Variants in BSPRY observed in about 807,000 individuals in gnomAD.
BSPRY encodes the protein B-box and SPRY domain containing.
In BSPRY, 33 loss-of-function variants were observed where a neutral mutation model predicts 38.0. That is an observed-to-expected ratio of 0.87 (90% confidence interval 0.66 to 1.16). The LOEUF (loss-of-function observed/expected upper bound fraction) is 1.16. Among genes scored for constraint, BSPRY ranks in the 50% most tolerant of loss-of-function variants. The pLI is 0.00. For missense variants in BSPRY, 523 were observed against 533.2 expected (o/e 0.98, Z 0.19); for synonymous variants, 224 against 228.5 (o/e 0.98, Z 0.18).
intron 4 of BSPRY, among the ~76,000 whole-genome samples, chr9:113,367,834 C>CTTTT (rs34649175): frequency 1.2e-3 from 174 of 144,302 alleles, no homozygotes; most frequent in African/African-American, 4.2e-3. Context: ...GGATGCCACT[C>CTTTT]TTTTTTTTTT....
intron 1 of BSPRY, among the ~76,000 whole-genome samples, chr9:113,352,051 T>C (rs906534006): frequency 1.3e-5 from 2 of 152,180 alleles, no homozygotes; most frequent in African/African-American, 2.4e-5. Flanking sequence ...TCTCAGGTGA[T>C]CCGCCCACCT....
intron 1 of BSPRY, among the ~76,000 whole-genome samples, chr9:113,353,334 C>G (rs904914493): frequency 6.6e-6 from 1 of 152,112 alleles, no homozygotes; most frequent in Non-Finnish European, 1.5e-5. Context: ...TGCAGTGAGT[C>G]TTGATCATGC....
At chr9:113,364,818 G>A (rs1289503228) in intron 4 of BSPRY, among the ~76,000 whole-genome samples, 1 of 151,908 alleles carries the variant, frequency 6.6e-6, no homozygotes, top group Non-Finnish European at 1.5e-5. Context: ...ATTTAACATT[G>A]ATATAATACT....
intron 2 of BSPRY, among the ~76,000 whole-genome samples, 168 bp from the exon 3 acceptor site, chr9:113,360,339 G>A (rs1341485268): frequency 1.2e-4 from 18 of 152,048 alleles, no homozygotes; most frequent in Admixed American, 1.2e-3. Context: ...GAAGTCTTGG[G>A]GCAGAGATGT....
At chr9:113,368,146 C>T in intron 4 of BSPRY, 113 bp from the exon 5 acceptor site, 2 of 1,379,418 alleles carry the variant, frequency 1.4e-6, no homozygotes, top group Non-Finnish European at 2.0e-6. Context: ...AGCTGCCAAT[C>T]TTGGTATCGC....
chr9:113,366,361 G>C (rs1834251906), intron 4 of BSPRY, among the ~76,000 whole-genome samples: 2 of 152,224 alleles, frequency 1.3e-5, no homozygotes, highest in Admixed American at 6.5e-5. Context: ...TACTCTCAAA[G>C]TAGTGTTCAA....
intron 1 of BSPRY, among the ~76,000 whole-genome samples, chr9:113,351,817 A>G (rs1480251383): frequency 1.3e-4 from 20 of 150,874 alleles, no homozygotes; most frequent in Admixed American, 1.3e-3. Flanking sequence ...ATATTTATTT[A>G]TTTTTGAGAC....
At chr9:113,366,050 C>G (rs1834245837) in intron 4 of BSPRY, among the ~76,000 whole-genome samples, 1 of 152,134 alleles carries the variant, frequency 6.6e-6, no homozygotes, top group South Asian at 2.1e-4. Flanking sequence ...AGTGATCCTT[C>G]CACCTCAGTC....
In BSPRY at chr9:113,370,957, A is replaced by G. The variant is rs1834341178; in HGVS notation, c.*815A>G. On this transcript the variant is annotated 3_prime_UTR_variant, in exon 6 of 6. Transcript: ENST00000374183. This position sits in a 1 kb window ranked among gnomAD's most constrained non-coding sequence, Gnocchi z 4.8. ...GTCCCGGGGGACCGTGTCCTCCCCCATGTCCTGCCTAGGCCCTCAGAGGAC... is the reference window on the plus strand; with the variant it reads ...GTCCCGGGGGACCGTGTCCTCCCCCGTGTCCTGCCTAGGCCCTCAGAGGAC... 6.6e-6 allele frequency: 1 copy of G among 152,322 alleles called. No individual in the cohort carries two copies. The highest frequency in any genetic ancestry group is 2.1e-4 in the South Asian group (1 of 4,828). 9.4% of individuals were successfully genotyped at this position (152,322 alleles called of 1,614,324 possible). A position where few individuals can be genotyped will look rare whatever the true frequency, so the allele number is the denominator to read the frequency against.
chr9:113,354,190 A>G (rs1834018639), intron 1 of BSPRY, 50 bp from the exon 2 acceptor site: 1 of 1,483,484 alleles, frequency 6.7e-7, no homozygotes, highest in East Asian at 2.3e-5. Flanking sequence ...GATGGAGTGA[A>G]TGGCTCAGGT....
chr9:113,350,020 C>T (rs1833946627), intron 1 of BSPRY, among the ~76,000 whole-genome samples: 1 of 152,206 alleles, frequency 6.6e-6, no homozygotes, highest in Non-Finnish European at 1.5e-5. Context: ...TCAGTGTCTT[C>T]ATCTGTAGTT....
intron 3 of BSPRY, among the ~76,000 whole-genome samples, chr9:113,361,361 A>G (rs1834149775): frequency 6.6e-6 from 1 of 152,186 alleles, no homozygotes; most frequent in Admixed American, 6.5e-5. Flanking sequence ...TGGCACTGAT[A>G]ATAGTTTTCT....
chr9:113,360,866 T>G (rs1229830383), intron 3 of BSPRY, 129 bp downstream of exon 3: 5 of 844,750 alleles, frequency 5.9e-6, no homozygotes, highest in Non-Finnish European at 9.1e-6. Context: ...TGACAAAGAT[T>G]CTTTGCTTGG....
chr9:113,369,855 C>A lies in BSPRY; in HGVS notation c.922C>A (p.Pro308Thr). 1 of 1,614,208 alleles carries A rather than the reference C, an allele frequency of 6.2e-7. No homozygotes were observed. The highest frequency in any genetic ancestry group is 8.5e-7 in the Non-Finnish European group (1 of 1,180,014). The change falls in exon 6 of 6, where the codon CCC becomes ACC. Residue 308 changes from proline (P) to threonine (T), a missense_variant. Transcript: ENST00000374183. The stretch of plus-strand genomic sequence containing the variant: ...GGTGGGCGTGGCTTCAGGCCACCTG[C>A]CCCGCAAGGGTTCTGGCAGTGACTG... ...YKVGVASGHL[P>T]RKGSGSDCRL...
chr9:113,357,220 G>T, intron 2 of BSPRY, among the ~76,000 whole-genome samples: 1 of 152,068 alleles, frequency 6.6e-6, no homozygotes, highest in Middle Eastern at 3.2e-3. Context: ...CAAGGAGGTG[G>T]GAGAGATCAC....
chr9:113,351,128 C>T (rs1291443215), intron 1 of BSPRY, among the ~76,000 whole-genome samples: 1 of 152,114 alleles, frequency 6.6e-6, no homozygotes, highest in African/African-American at 2.4e-5. Flanking sequence ...TTAAAAGTAG[C>T]TATCAGGACT....
intron 5 of BSPRY, among the ~76,000 whole-genome samples, chr9:113,369,100 C>T (rs1168905418): frequency 6.6e-6 from 1 of 151,924 alleles, no homozygotes; most frequent in Non-Finnish European, 1.5e-5. Context: ...CCTGATTTAC[C>T]AGCAGTTTAG....
rs1198217731 is a variant in BSPRY at position 113,369,834 on chromosome 9, G to T, written c.901G>T (p.Gly301Cys). ...NVQNSCAYKV[G>C]VASGHLPRKG... ...CCAGAACAGTTGTGCCTATAAGGTG[G>T]GCGTGGCTTCAGGCCACCTGCCCCG... The change falls in exon 6 of 6, where the codon GGC (glycine) becomes TGC (cysteine). Residue 301 changes from glycine to cysteine, a missense_variant. By Grantham distance (159) the Gly-to-Cys change is radical. Transcript: ENST00000374183. 1 of 1,614,222 alleles carries T rather than the reference G, an allele frequency of 6.2e-7. No individual in the cohort carries two copies. The highest frequency in any genetic ancestry group is 1.1e-5 in the South Asian group (1 of 91,090).
chr9:113,360,220 C>G (rs1834125891), intron 2 of BSPRY, among the ~76,000 whole-genome samples: 2 of 152,166 alleles, frequency 1.3e-5, no homozygotes, highest in African/African-American at 4.8e-5. Flanking sequence ...GCAGAGTATT[C>G]TAGTTGGGCT....
Sources: allele counts gnomAD v4.1 joint callset (sites outside exome capture counted in the v4.1 genomes callset), GRCh38; gene constraint gnomAD v4.1.1; non-coding constraint Gnocchi (gnomAD v3.1); transcripts MANE v1.5; gene names NCBI Gene and HGNC (gene_info 2026-07-23, HGNC 2026-07-21).